RBFOX1: variants seen among roughly 807,000 people sequenced by gnomAD.
The protein encoded by RBFOX1 is RNA binding protein fox-1 homolog 1.
In RBFOX1, 8 loss-of-function variants were observed where a neutral mutation model predicts 57.7. The ratio of observed to expected loss-of-function variants is 0.14; its 90% confidence interval spans 0.08 to 0.25. The LOEUF (loss-of-function observed/expected upper bound fraction) is 0.25. RBFOX1 is among the 10% of genes least tolerant of loss of function. RBFOX1 has a pLI of 1.00. For synonymous variants in RBFOX1, 326 were observed against 222.4 expected (o/e 1.47, Z -4.15); for missense variants, 611 against 548.5 (o/e 1.11, Z -1.14).
chr16:5,330,675 G>A (rs1279193708), intron 1 of RBFOX1, among the ~76,000 whole-genome samples: 1 of 151,618 alleles, frequency 6.6e-6, no homozygotes, highest in African/African-American at 2.4e-5. Context: ...AAAGTGCTGG[G>A]ATTACAGGTG....
chr16:7,576,152 G>C (rs1339011291), intron 5 of RBFOX1, among the ~76,000 whole-genome samples: 4 of 151,518 alleles, frequency 2.6e-5, no homozygotes, highest in Admixed American at 2.6e-4. Flanking sequence ...GTTGCAGGCT[G>C]GTGTCAAATG....
At chr16:5,769,376 C>T (rs1249542215) in intron 3 of RBFOX1, among the ~76,000 whole-genome samples, 1 of 151,372 alleles carries the variant, frequency 6.6e-6, no homozygotes, top group African/African-American at 2.4e-5. Context: ...TGCAGTGGCT[C>T]GCACCTATAA....
chr16:7,572,092 A>G (rs1000353005), intron 5 of RBFOX1, among the ~76,000 whole-genome samples: 2 of 152,248 alleles, frequency 1.3e-5, no homozygotes, highest in East Asian at 1.9e-4. Flanking sequence ...GCACCATTGC[A>G]CTCCAGCCTG....
At chr16:5,346,300 C>T (rs1320547927) in intron 1 of RBFOX1, among the ~76,000 whole-genome samples, 2 of 152,190 alleles carry the variant, frequency 1.3e-5, no homozygotes, top group African/African-American at 4.8e-5. Flanking sequence ...AATGACTGAG[C>T]ACTTGCCTGG....
chr16:5,574,425 C>CTT lies in RBFOX1; in HGVS notation c.259-24466_259-24465dup, dbSNP rs60015181. Among the ~76,000 whole-genome samples the CTT allele has an allele frequency of 4.9e-3, 715 of 144,724 alleles. 6 individuals carry two copies. The highest frequency in any genetic ancestry group is 0.014 in the African/African-American group (539 of 39,216). The allele number at this position is 144,724 out of a possible 152,430, so 94.9% of individuals were successfully genotyped here. The stretch of plus-strand genomic sequence containing the variant: ...ATTAGGAAAATTGTTACTTTTTTTT[C>CTT]TTTTTTTTTTTTAAGACGGTGTCTC... On this transcript the variant is annotated intron_variant, in intron 2 of 2. Coordinates refer to the RBFOX1 transcript ENST00000585867.
chr16:6,483,444 C>A (rs1019052021), intron 2 of RBFOX1: 164 of 1,535,560 alleles, frequency 1.1e-4, no homozygotes, highest in Non-Finnish European at 1.4e-4. Flanking sequence ...TTGCCTCGGA[C>A]TTCTCCCGTG....
At chr16:6,628,913 C>T (rs1235273197) in intron 2 of RBFOX1, among the ~76,000 whole-genome samples, 1 of 152,084 alleles carries the variant, frequency 6.6e-6, no homozygotes, top group Admixed American at 6.5e-5. Flanking sequence ...GTCTGTAGTC[C>T]CAGCTACTAG....
intron 2 of RBFOX1, among the ~76,000 whole-genome samples, chr16:5,506,746 T>C (rs2043393428): frequency 6.6e-6 from 1 of 152,160 alleles, no homozygotes; most frequent in Non-Finnish European, 1.5e-5. Context: ...AGACCCCTTC[T>C]TTCTTGAAAT....
At chr16:6,645,603 G>A (rs1055586174) in intron 2 of RBFOX1, among the ~76,000 whole-genome samples, 1 of 152,042 alleles carries the variant, frequency 6.6e-6, no homozygotes, top group African/African-American at 2.4e-5. Context: ...TGAAAAGAAC[G>A]GACACATGAG....
At chr16:7,200,686 T>A (rs891601145) in intron 4 of RBFOX1, among the ~76,000 whole-genome samples, 1 of 152,126 alleles carries the variant, frequency 6.6e-6, no homozygotes, top group Non-Finnish European at 1.5e-5. Flanking sequence ...ATGCCCCAAA[T>A]TAAAGGATAA....
chr16:7,096,202 A>G (rs966746352), intron 4 of RBFOX1, among the ~76,000 whole-genome samples: 1 of 152,116 alleles, frequency 6.6e-6, no homozygotes, highest in Non-Finnish European at 1.5e-5. Context: ...CCATCGAGCA[A>G]AAGTAGTCGA....
intron 4 of RBFOX1, among the ~76,000 whole-genome samples, chr16:5,983,240 C>G (rs1356551869): frequency 1.3e-5 from 2 of 152,192 alleles, no homozygotes; most frequent in African/African-American, 2.4e-5. Flanking sequence ...AGTGGCAGAT[C>G]CATTGTGTGC....
intron 1 of RBFOX1, among the ~76,000 whole-genome samples, chr16:5,266,546 C>A (rs1390471816): frequency 1.5e-5 from 1 of 65,830 alleles, no homozygotes; most frequent in Non-Finnish European, 2.6e-5. Flanking sequence ...TGGAAATGTT[C>A]AGTTTTTTTT....
At chr16:6,001,447 A>G (rs9928219) in intron 4 of RBFOX1, among the ~76,000 whole-genome samples, 18,430 of 152,224 alleles carry the variant, frequency 0.12, 1,358 homozygotes, top group Middle Eastern at 0.26. Flanking sequence ...ACTGTGAAGG[A>G]CTTTGCTCGA....
intron 1 of RBFOX1, among the ~76,000 whole-genome samples, chr16:5,399,688 C>G (rs1023315054): frequency 3.3e-5 from 5 of 151,728 alleles, no homozygotes; most frequent in Admixed American, 2.6e-4. Flanking sequence ...GTGACCCATG[C>G]TTGCATCACT....
At chr16:6,587,442 TG>T (rs1567785212) in intron 2 of RBFOX1, among the ~76,000 whole-genome samples, 1 of 152,086 alleles carries the variant, frequency 6.6e-6, no homozygotes, top group Non-Finnish European at 1.5e-5. Flanking sequence ...CCACCATGCC[TG>T]GCTAATTTTT....
chr16:6,697,724 A>T (rs1051600834), intron 3 of RBFOX1, among the ~76,000 whole-genome samples: 1 of 152,130 alleles, frequency 6.6e-6, no homozygotes, highest in Admixed American at 6.6e-5. Context: ...CCCCAAAGAA[A>T]CAGGCTGTTG....
chr16:5,912,249 T>C (rs1452579535), intron 4 of RBFOX1, among the ~76,000 whole-genome samples: 1 of 152,150 alleles, frequency 6.6e-6, no homozygotes, highest in Non-Finnish European at 1.5e-5. Context: ...GCATTTATAG[T>C]GATCAAATGA....
chr16:6,728,694 A>G (rs965022817), intron 3 of RBFOX1, among the ~76,000 whole-genome samples: 6 of 152,182 alleles, frequency 3.9e-5, no homozygotes, highest in Admixed American at 3.3e-4. Context: ...GGTTTTCATG[A>G]CAGTCAATCA....
Sources: allele counts gnomAD v4.1 joint callset (sites outside exome capture counted in the v4.1 genomes callset), GRCh38; gene constraint gnomAD v4.1.1; transcripts MANE v1.5; gene names NCBI Gene and HGNC (gene_info 2026-07-23, HGNC 2026-07-21).